The following ATP5PF variants were observed in gnomAD, a reference collection of about 807,000 sequenced individuals.
ATP5PF encodes the protein ATP synthase peripheral stalk subunit F6.
Under a neutral mutation model 12.0 loss-of-function variants are expected in ATP5PF, and 7 were observed. The observed-to-expected ratio is 0.58, with a 90% CI of 0.33 to 1.10. The LOEUF is 1.10. Among genes scored for constraint, ATP5PF ranks in the 50% least tolerant of loss-of-function variants. The pLI, the probability that ATP5PF is intolerant of heterozygous loss-of-function variation, is 0.03. For synonymous variants in ATP5PF, 41 were observed against 45.4 expected, an observed-to-expected ratio of 0.90 and a Z score of 0.39; for missense variants, 120 against 127.7, an observed-to-expected ratio of 0.94 and a Z score of 0.29.
chr21:25,730,635 G>A (rs952930776), intron 1 of ATP5PF, among the ~76,000 whole-genome samples: 1 of 149,982 alleles, frequency 6.7e-6, no homozygotes, highest in African/African-American at 2.5e-5. Flanking sequence ...TCAGGAGGCT[G>A]AGGCAGGAGA....
chr21:25,727,870 C>G (rs1046975096), intron 2 of ATP5PF, among the ~76,000 whole-genome samples: 1 of 152,132 alleles, frequency 6.6e-6, no homozygotes, highest in African/African-American at 2.4e-5. Context: ...ATTGGGGTAA[C>G]ATCTATAGGG....
intron 3 of ATP5PF, 64 bp downstream of exon 3, chr21:25,725,162 A>C: frequency 6.5e-7 from 1 of 1,536,934 alleles, no homozygotes; most frequent in Non-Finnish European, 8.7e-7. Flanking sequence ...CTAAAAATCC[A>C]GGTAAGTGTA....
rs561294113 is a variant in ATP5PF, at chr21:25,728,604, T to C, written c.164+1027A>G. Among the ~76,000 whole-genome samples, 16 of 152,330 alleles carry C rather than the reference T, an allele frequency of 1.1e-4. 1 individual carries two copies. The South Asian group carries it at 3.1e-3, about 30-fold the overall frequency. On this transcript the variant is annotated intron_variant, in intron 2 of 3. Coordinates refer to ENST00000284971, the MANE Select transcript of ATP5PF (RefSeq NM_001003703.2). ...GAAGGCCTCCTGTGGGTTTGAGAAC[T>C]GTTTCATGCTATAAGGAAAATGATG...
chr21:25,730,908 C>T (rs1339969980), intron 1 of ATP5PF, among the ~76,000 whole-genome samples: 1 of 151,888 alleles, frequency 6.6e-6, no homozygotes, highest in Non-Finnish European at 1.5e-5. Flanking sequence ...AAAAAATAAT[C>T]CAAATTACAA....
chr21:25,726,744 TTC>T (rs2034629407), intron 2 of ATP5PF, among the ~76,000 whole-genome samples: 1 of 152,254 alleles, frequency 6.6e-6, no homozygotes, highest in South Asian at 2.1e-4. Context: ...GAAGAAATTC[TTC>T]TGTTTTTGTC....
chr21:25,728,322 A>C (rs2034670186), intron 2 of ATP5PF, among the ~76,000 whole-genome samples: 1 of 152,130 alleles, frequency 6.6e-6, no homozygotes, highest in Non-Finnish European at 1.5e-5. Context: ...TCTACAATCA[A>C]GGCCTTCCAT....
intron 1 of ATP5PF, among the ~76,000 whole-genome samples, chr21:25,731,757 T>C (rs910332939): frequency 1.3e-5 from 2 of 152,070 alleles, no homozygotes; most frequent in Admixed American, 6.6e-5. Flanking sequence ...ATACAAACTA[T>C]GTTATTGGTC....
intron 1 of ATP5PF, chr21:25,734,521 G>A (rs1188038487): frequency 5.2e-6 from 3 of 574,654 alleles, no homozygotes; most frequent in African/African-American, 4.0e-5. Context: ...GTGCGCCCGG[G>A]GCGGGTAGGC....
intron 1 of ATP5PF, 38 bp downstream of exon 1, chr21:25,734,815 C>A: frequency 6.6e-7 from 1 of 1,522,132 alleles, no homozygotes; most frequent in South Asian, 1.2e-5. Context: ...AACTGGAGTC[C>A]CAAAAGGCCA....
upstream of ATP5PF, chr21:25,735,150 G>A: frequency 3.1e-6 from 2 of 654,960 alleles, no homozygotes; most frequent in South Asian, 1.7e-5. Context: ...TCCCCTCCTT[G>A]AAACCTTGCT....
At chr21:25,728,032 C>T (rs1338015993) in intron 2 of ATP5PF, among the ~76,000 whole-genome samples, 1 of 152,170 alleles carries the variant, frequency 6.6e-6, no homozygotes, top group East Asian at 1.9e-4. Context: ...ATTGTTCCCT[C>T]TTCTTCCTCT....
At chr21:25,729,070 T>G (rs1412165437) in intron 2 of ATP5PF, among the ~76,000 whole-genome samples, 1 of 152,240 alleles carries the variant, frequency 6.6e-6, no homozygotes, top group Non-Finnish European at 1.5e-5. Context: ...TTGTTTTTCT[T>G]GGACTTACAT....
intron 1 of ATP5PF, chr21:25,734,449 A>G: frequency 3.4e-6 from 3 of 892,416 alleles, no homozygotes; most frequent in Non-Finnish European, 4.0e-6. Context: ...AACTTTCAAT[A>G]TTATGACTAA....
intron 1 of ATP5PF, among the ~76,000 whole-genome samples, chr21:25,730,492 G>GGGA (rs2034733220): frequency 6.6e-6 from 1 of 152,024 alleles, no homozygotes; most frequent in Non-Finnish European, 1.5e-5. Flanking sequence ...CCAGCACTTT[G>GGGA]GGAGGCTGAG....
intron 1 of ATP5PF, among the ~76,000 whole-genome samples, chr21:25,732,835 T>G (rs2034823299): frequency 6.6e-6 from 1 of 150,858 alleles, no homozygotes; most frequent in African/African-American, 2.4e-5. Flanking sequence ...AATACAAAAT[T>G]AGCCGGGAGT....
At chr21:25,730,001 T>C (rs1281162221) in intron 1 of ATP5PF, among the ~76,000 whole-genome samples, 200 bp from the exon 2 acceptor site, 5 of 152,174 alleles carry the variant, frequency 3.3e-5, no homozygotes, top group African/African-American at 1.2e-4. Flanking sequence ...TCTGGGATAA[T>C]GGAACAGTTA....
intron 1 of ATP5PF, among the ~76,000 whole-genome samples, chr21:25,731,042 G>C (rs2034761745): frequency 6.6e-6 from 1 of 152,060 alleles, no homozygotes; most frequent in Non-Finnish European, 1.5e-5. Flanking sequence ...AGAGGTTCGA[G>C]ACCAGCCTGC....
At chr21:25,733,680 C>T (rs1034503615) in intron 1 of ATP5PF, among the ~76,000 whole-genome samples, 8 of 152,292 alleles carry the variant, frequency 5.3e-5, no homozygotes, top group East Asian at 3.9e-4. Context: ...ATTTGCTTAG[C>T]CCTAGATACT....
intron 2 of ATP5PF, 135 bp downstream of exon 2, chr21:25,729,496 C>A: frequency 1.4e-6 from 1 of 729,640 alleles, no homozygotes; most frequent in Non-Finnish European, 2.1e-6. Flanking sequence ...TTTGAGGGCA[C>A]CTAATGAACC....
Sources: gnomAD v4.1 joint callset for allele counts (sites outside exome capture counted in the v4.1 genomes callset) on GRCh38, gnomAD v4.1.1 for gene constraint, MANE v1.5 for transcripts, NCBI Gene and HGNC (gene_info 2026-07-23, HGNC 2026-07-21) for gene names.